The following MTBP variants were observed in gnomAD, a reference collection of about 807,000 sequenced individuals.
The protein encoded by MTBP is MDM2 binding protein, also known as mdm2-binding protein.
A neutral mutation model predicts 117.0 loss-of-function variants in MTBP; 101 were observed. That is an observed-to-expected ratio of 0.86 (90% confidence interval 0.73 to 1.02). The LOEUF is 1.02. MTBP is among the 50% of genes least tolerant of loss of function. MTBP has a pLI of 0.00. For missense variants in MTBP, 970 were observed against 1,030.9 expected (o/e 0.94, Z 0.81); for synonymous variants, 350 against 351.5 (o/e 1.00, Z 0.05).
Position 120,506,831 on chromosome 8 carries a change from G to A in MTBP, c.1853G>A (p.Gly618Glu). The change falls in exon 16 of 22, where the codon GGA becomes GAA. Residue 618 changes from glycine to glutamate, a missense_variant. By Grantham distance (98) the Gly-to-Glu change is moderately conservative. Transcript: ENST00000305949. ...TTTACCTCAGATGGATTACCCATTG[G>A]AGATCTTCAACCTTTACCGATTCAA... Reference protein sequence around the residue: ...KYFTSDGLPIGDLQPLPIQKG... With the variant: ...KYFTSDGLPIEDLQPLPIQKG... The A allele has an allele frequency of 6.2e-7, 1 of 1,612,654 alleles. No individual in the cohort carries two copies. Among genetic ancestry groups the A allele is most frequent in the Middle Eastern group, 1.7e-4 (1 of 6,058 alleles).
In MTBP at chr8:120,510,147, A is replaced by C. The variant is rs770863599; in HGVS notation, c.1979+118A>C. 1.7e-4 allele frequency: 118 copies of C among 701,352 alleles called. 1 individual carries two copies. Among genetic ancestry groups the C allele is most frequent in the South Asian group, 2.3e-4 (7 of 29,804 alleles). 43.4% of individuals were successfully genotyped at this position (701,352 alleles called of 1,614,324 possible). ...ACAGAGACCAAGAGGATATGTCAAA[A>C]ACCTCAAAAAGCAAAGTAGTGCATA... On this transcript the variant is annotated intron_variant, in intron 17 of 21. Coordinates refer to ENST00000305949, the MANE Select transcript of MTBP (RefSeq NM_022045.5).
chr8:120,521,558 T>C (rs1815007643), intron 20 of MTBP, among the ~76,000 whole-genome samples: 2 of 152,146 alleles, frequency 1.3e-5, no homozygotes, highest in East Asian at 3.9e-4. Flanking sequence ...ATAAGCATAG[T>C]AGTTAGAAAC....
chr8:120,477,903 G>A (rs1324852483), intron 11 of MTBP, among the ~76,000 whole-genome samples: 1 of 152,128 alleles, frequency 6.6e-6, no homozygotes, highest in Non-Finnish European at 1.5e-5. Context: ...CCATTACTGG[G>A]CATATACCCA....
chr8:120,513,982 G>A (rs1476682612), intron 17 of MTBP, among the ~76,000 whole-genome samples: 1 of 151,442 alleles, frequency 6.6e-6, no homozygotes, highest in Non-Finnish European at 1.5e-5. Flanking sequence ...CAGATTTAGA[G>A]ATCAATTTTG....
In MTBP at chr8:120,463,773, T is replaced by C. The variant is rs1476787220; in HGVS notation, c.1047+12T>C. 3.7e-6 allele frequency: 6 copies of C among 1,606,348 alleles called. No individual in the cohort carries two copies. In the East Asian group the frequency reaches 1.1e-4, roughly 30 times the overall value. On this transcript the variant is annotated intron_variant, in intron 10 of 21. Coordinates refer to ENST00000305949, the MANE Select transcript of MTBP (RefSeq NM_022045.5). The stretch of plus-strand genomic sequence containing the variant: ...CTCTGTGTAGCAAGGTATTGAGGGT[T>C]TCTTGGGGGTTTTTTGTTTGTTTGT...
intron 17 of MTBP, among the ~76,000 whole-genome samples, chr8:120,514,277 C>T (rs2130618106): frequency 6.6e-6 from 1 of 152,022 alleles, no homozygotes; most frequent in Non-Finnish European, 1.5e-5. Context: ...ATATGATTAA[C>T]TATAGTCCTT....
chr8:120,522,551 G>T (rs12680641), intron 20 of MTBP, 103 bp from the exon 21 acceptor site: 2 of 758,250 alleles, frequency 2.6e-6, no homozygotes, highest in Admixed American at 5.8e-5. Flanking sequence ...ACATTAATAC[G>T]TGTAGAATGA....
intron 11 of MTBP, among the ~76,000 whole-genome samples, chr8:120,487,946 A>G (rs562220646): frequency 6.6e-6 from 1 of 152,394 alleles, no homozygotes; most frequent in South Asian, 2.1e-4. Context: ...ACATACTTTT[A>G]ATTTAAAATA....
chr8:120,518,888 G>A (rs1363439746), intron 20 of MTBP, 71 bp downstream of exon 20: 1 of 1,099,326 alleles, frequency 9.1e-7, no homozygotes, highest in Admixed American at 2.4e-5. Flanking sequence ...ATAAAAAAAA[G>A]TTTGAGTATT....
chr8:120,465,558 T>C (rs1278048780), intron 10 of MTBP, among the ~76,000 whole-genome samples: 1 of 152,036 alleles, frequency 6.6e-6, no homozygotes, highest in Non-Finnish European at 1.5e-5. Flanking sequence ...TCCTTAAAAG[T>C]ATAAAGCGCT....
In MTBP at chr8:120,497,384, G is replaced by A; in HGVS notation, c.1448-9G>A. Reference sequence around the variant, plus strand: ...CAAAATAAGTCAATTGTATTGATTTGTCTTATAGAAAGACGAAAGTTGGCA... The same window carrying A: ...CAAAATAAGTCAATTGTATTGATTTATCTTATAGAAAGACGAAAGTTGGCA... On this transcript the variant is annotated splice_polypyrimidine_tract_variant and intron_variant, in intron 13 of 21. Transcript: ENST00000305949. 1 of 1,599,652 alleles carries A rather than the reference G, an allele frequency of 6.3e-7. No individual in the cohort carries two copies. The highest frequency in any genetic ancestry group is 8.5e-7 in the Non-Finnish European group (1 of 1,175,518).
intron 15 of MTBP, among the ~76,000 whole-genome samples, chr8:120,505,440 G>A (rs2130606180): frequency 6.6e-6 from 1 of 152,180 alleles, no homozygotes; most frequent in African/African-American, 2.4e-5. Context: ...GGAGTATGAA[G>A]TCCGGAGAGA....
chr8:120,503,383 G>A lies in MTBP; in HGVS notation c.1727+774G>A, dbSNP rs557811761. Among the ~76,000 whole-genome samples the A allele has an allele frequency of 3.3e-5, 5 of 152,224 alleles. No homozygotes were observed. In the South Asian group the frequency reaches 1.0e-3, roughly 32 times the overall value. ...AGTAACCAGACAAGTAAATGTAATA[G>A]TTGTAAATTATTCTGTGTGTAATGA... On this transcript the variant is annotated intron_variant, in intron 15 of 21. Coordinates refer to ENST00000305949, the MANE Select transcript of MTBP (RefSeq NM_022045.5).
chr8:120,518,666 T>C (rs1478670867), intron 19 of MTBP, 38 bp from the exon 20 acceptor site: 3 of 1,406,940 alleles, frequency 2.1e-6, no homozygotes, highest in Admixed American at 2.0e-5. Flanking sequence ...TTGTGCCTTT[T>C]CCAAGAAATA....
At position 120,496,720 on chromosome 8, in the gene MTBP, A is replaced by G. The variant is rs971251008; in HGVS notation, c.1448-673A>G. 7.6e-4 allele frequency among the ~76,000 whole-genome samples: 112 copies of G among 147,510 alleles called. 1 individual carries two copies. Among genetic ancestry groups the G allele is most frequent in the African/African-American group, 2.4e-3 (96 of 40,832 alleles). On this transcript the variant is annotated intron_variant, in intron 13 of 21. Coordinates refer to ENST00000305949, the MANE Select transcript of MTBP (RefSeq NM_022045.5). ...TGATGTTCCATACAAAAAAAAAAAA[A>G]GAAAAAAAAATGCAAGCAGTGTTGC...
In MTBP at chr8:120,466,298, G is replaced by A. The variant is rs574050041; in HGVS notation, c.1047+2537G>A. ...GTGATCTTGGCTCACTGCAACCTCC[G>A]TCTCCCGGGTTCAAGCAATTCTCCC... On this transcript the variant is annotated intron_variant, in intron 10 of 21. Transcript: ENST00000305949. Among the ~76,000 whole-genome samples the A allele has an allele frequency of 6.1e-4, 89 of 145,240 alleles. 1 individual carries two copies. Among genetic ancestry groups the A allele is most frequent in the African/African-American group, 2.1e-3 (83 of 38,632 alleles).
chr8:120,510,266 A>G lies in MTBP; in HGVS notation c.1979+237A>G, dbSNP rs568466752. On this transcript the variant is annotated intron_variant, in intron 17 of 21. Transcript: ENST00000305949. ...CTATTATTAGTTACTATATATTTTA[A>G]TCAAAATTGTTTTGGTCCCTATGTT... Among the ~76,000 whole-genome samples the G allele has an allele frequency of 3.8e-4, 58 of 152,318 alleles. 1 individual carries two copies. Among genetic ancestry groups the G allele is most frequent in the Admixed American group, 2.2e-3 (33 of 15,290 alleles).
chr8:120,522,755 A>G, intron 21 of MTBP, 36 bp downstream of exon 21: 1 of 1,505,142 alleles, frequency 6.6e-7, no homozygotes, highest in South Asian at 1.2e-5. Flanking sequence ...ATATTCAATT[A>G]AATTGGTATT....
chr8:120,459,441 T>C (rs1813540125), intron 8 of MTBP, 92 bp downstream of exon 8: 2 of 1,182,098 alleles, frequency 1.7e-6, no homozygotes, highest in African/African-American at 1.5e-5. Flanking sequence ...TACTAATATA[T>C]GTGCTTAAGT....
Sources: allele counts gnomAD v4.1 joint callset (sites outside exome capture counted in the v4.1 genomes callset), GRCh38; gene constraint gnomAD v4.1.1; transcripts MANE v1.5; gene names NCBI Gene and HGNC (gene_info 2026-07-23, HGNC 2026-07-21).